The following ZFAND3 variants were observed in gnomAD, a reference collection of about 807,000 sequenced individuals.
ZFAND3 encodes the protein AN1-type zinc finger protein 3.
In ZFAND3, 10 loss-of-function variants were observed where a neutral mutation model predicts 29.6. The observed-to-expected ratio is 0.34, with a 90% CI of 0.21 to 0.57. The LOEUF (loss-of-function observed/expected upper bound fraction) is 0.57, where lower values mean the gene tolerates loss of function less well. Among genes scored for constraint, ZFAND3 ranks in the 20% least tolerant of loss-of-function variants. The pLI, the probability that ZFAND3 is intolerant of heterozygous loss-of-function variation, is 0.86. For synonymous variants in ZFAND3, 128 were observed against 112.6 expected, an observed-to-expected ratio of 1.14 and a Z score of -0.87; for missense variants, 230 against 304.5, an observed-to-expected ratio of 0.76 and a Z score of 1.82.
chr6:37,835,631 A>G (rs1763953634), intron 1 of ZFAND3, among the ~76,000 whole-genome samples: 1 of 152,164 alleles, frequency 6.6e-6, no homozygotes, highest in Non-Finnish European at 1.5e-5. Flanking sequence ...ATATTATGAA[A>G]AGGATGTCTC....
intron 1 of ZFAND3, among the ~76,000 whole-genome samples, chr6:37,907,744 C>T (rs1280591381): frequency 8.5e-5 from 13 of 152,078 alleles, no homozygotes; most frequent in Admixed American, 7.9e-4. Flanking sequence ...AATTTAAACC[C>T]CACAGAAAGA....
chr6:38,019,305 G>T (rs931896896), intron 2 of ZFAND3, among the ~76,000 whole-genome samples: 5 of 152,172 alleles, frequency 3.3e-5, no homozygotes, highest in Non-Finnish European at 7.3e-5. Context: ...GTTTGTATAT[G>T]TTGAGGTTGA....
intron 1 of ZFAND3, among the ~76,000 whole-genome samples, chr6:37,825,422 C>T (rs757283287): frequency 4.6e-5 from 7 of 152,250 alleles, no homozygotes; most frequent in Admixed American, 2.0e-4. Context: ...TATTCACTGT[C>T]GGTTCATTTA....
intron 4 of ZFAND3, among the ~76,000 whole-genome samples, chr6:38,102,097 C>T (rs1765105706): frequency 6.6e-6 from 1 of 151,506 alleles, no homozygotes; most frequent in South Asian, 2.1e-4. Context: ...CTTTCTTCTT[C>T]CTCCTCCTCT....
chr6:37,958,313 G>T (rs1224727216), intron 2 of ZFAND3, among the ~76,000 whole-genome samples: 1 of 152,194 alleles, frequency 6.6e-6, no homozygotes, highest in Admixed American at 6.5e-5. Flanking sequence ...GATTAGCTGG[G>T]CGTGGTGGCG....
intron 5 of ZFAND3, among the ~76,000 whole-genome samples, chr6:38,119,652 G>C (rs1765489752): frequency 1.3e-5 from 2 of 152,338 alleles, no homozygotes; most frequent in South Asian, 4.1e-4. Context: ...TTAAAGGCAG[G>C]GAAGACGCTC....
At chr6:37,842,070 CT>C (rs1295567739) in intron 1 of ZFAND3, among the ~76,000 whole-genome samples, 2 of 152,126 alleles carry the variant, frequency 1.3e-5, no homozygotes, top group African/African-American at 4.8e-5. Flanking sequence ...CCTTCATCCT[CT>C]TTTATAAAGG....
chr6:38,093,332 C>G (rs1252500892), intron 4 of ZFAND3, among the ~76,000 whole-genome samples: 2 of 151,942 alleles, frequency 1.3e-5, no homozygotes, highest in Non-Finnish European at 2.9e-5. Flanking sequence ...ATCTGGAGAA[C>G]TGAGGGAAGA....
intron 1 of ZFAND3, among the ~76,000 whole-genome samples, chr6:37,892,059 G>A (rs1274395571): frequency 6.6e-6 from 1 of 152,116 alleles, no homozygotes. Context: ...GGGCACATGG[G>A]ACAGTCTCCA....
At chr6:37,914,939 GACTT>G (rs1396684315) in intron 1 of ZFAND3, among the ~76,000 whole-genome samples, 6 of 152,082 alleles carry the variant, frequency 3.9e-5, no homozygotes, top group Non-Finnish European at 8.8e-5. Context: ...GCCCAGCATT[GACTT>G]ATCCTTTCTA....
intron 2 of ZFAND3, among the ~76,000 whole-genome samples, chr6:38,007,840 G>A (rs1763078071): frequency 1.3e-5 from 2 of 152,294 alleles, no homozygotes; most frequent in South Asian, 4.1e-4. Flanking sequence ...ACAAAGCTGG[G>A]TGGTGGTGTA....
At chr6:37,900,480 G>A (rs989194280) in intron 1 of ZFAND3, among the ~76,000 whole-genome samples, 11 of 152,098 alleles carry the variant, frequency 7.2e-5, no homozygotes, top group African/African-American at 2.4e-4. Flanking sequence ...CAAATAATGG[G>A]CAATATTGAG....
At chr6:37,945,280 A>G (rs1259642626) in intron 2 of ZFAND3, among the ~76,000 whole-genome samples, 2 of 152,080 alleles carry the variant, frequency 1.3e-5, no homozygotes, top group Non-Finnish European at 2.9e-5. Flanking sequence ...TTCCCCTTCA[A>G]CCACCCTGTA....
chr6:37,920,792 C>G (rs752245967), intron 1 of ZFAND3, among the ~76,000 whole-genome samples: 3 of 152,164 alleles, frequency 2.0e-5, no homozygotes, highest in Non-Finnish European at 4.4e-5. Flanking sequence ...TTTGGACAGG[C>G]TGGTTGCACC....
At chr6:38,112,067 CCTT>C (rs1160428198) in intron 4 of ZFAND3, among the ~76,000 whole-genome samples, 7 of 152,102 alleles carry the variant, frequency 4.6e-5, no homozygotes, top group Non-Finnish European at 8.8e-5. Flanking sequence ...TAGGCAAAAT[CCTT>C]CTTCTTAAGA....
intron 1 of ZFAND3, among the ~76,000 whole-genome samples, chr6:37,928,050 C>T (rs1029709092): frequency 5.9e-5 from 9 of 152,168 alleles, no homozygotes; most frequent in Non-Finnish European, 1.0e-4. Context: ...TATCTTTTTA[C>T]TCATCTTATT....
At chr6:37,873,271 A>G (rs575593299) in intron 1 of ZFAND3, among the ~76,000 whole-genome samples, 3 of 152,278 alleles carry the variant, frequency 2.0e-5, no homozygotes, top group African/African-American at 7.2e-5. Flanking sequence ...CTCCGTCTCA[A>G]AAAAAAAGAA....
intron 1 of ZFAND3, among the ~76,000 whole-genome samples, chr6:37,904,760 T>A (rs1307133947): frequency 6.6e-6 from 1 of 152,164 alleles, no homozygotes; most frequent in Non-Finnish European, 1.5e-5. Context: ...ATAATAAGTA[T>A]TGTGAGAATG....
At chr6:38,020,377 T>C (rs1763326762) in intron 2 of ZFAND3, among the ~76,000 whole-genome samples, 1 of 152,128 alleles carries the variant, frequency 6.6e-6, no homozygotes, top group Non-Finnish European at 1.5e-5. Context: ...GTAGAATCAC[T>C]TGGTGGTTAA....
Sources: allele counts gnomAD v4.1 joint callset (sites outside exome capture counted in the v4.1 genomes callset), GRCh38; gene constraint gnomAD v4.1.1; transcripts MANE v1.5; gene names NCBI Gene and HGNC (gene_info 2026-07-23, HGNC 2026-07-21).